ARFGEF3: variants seen among roughly 807,000 people sequenced by gnomAD.
ARFGEF3 encodes brefeldin A-inhibited guanine nucleotide-exchange protein 3.
A neutral mutation model predicts 221.7 loss-of-function variants in ARFGEF3; 96 were observed. That is an observed-to-expected ratio of 0.43 (90% CI 0.37 to 0.51). The LOEUF is 0.51. Among genes scored for constraint, ARFGEF3 ranks in the 20% least tolerant of loss-of-function variants. ARFGEF3 has a pLI of 0.00. For synonymous variants in ARFGEF3, 1,145 were observed against 1,126.8 expected (o/e 1.02, Z -0.32); for missense variants, 2,410 against 2,789.9 (o/e 0.86, Z 3.07).
At position 138,229,765 on chromosome 6, in the gene ARFGEF3, A is replaced by G. The variant is rs1778155029; in HGVS notation, c.352-19A>G. 2 of 1,602,704 alleles carry G rather than the reference A, an allele frequency of 1.2e-6. No homozygotes were observed. Among genetic ancestry groups the G allele is most frequent in the Middle Eastern group, 1.7e-4 (1 of 6,030 alleles). ...CTGTTAACCCCTTGTCTCTTCTTTC[A>G]TCTCTCACCTTGTTAAAGGTTTTAC... On this transcript the variant is annotated intron_variant, in intron 4 of 33. Coordinates refer to ENST00000251691, the MANE Select transcript of ARFGEF3 (RefSeq NM_020340.5).
chr6:138,256,974 G>A (rs563104802), intron 10 of ARFGEF3, among the ~76,000 whole-genome samples: 1 of 151,808 alleles, frequency 6.6e-6, no homozygotes, highest in Non-Finnish European at 1.5e-5. Context: ...TTGTAGAGAC[G>A]TGTTGCCCAG....
intron 2 of ARFGEF3, among the ~76,000 whole-genome samples, chr6:138,183,424 A>G (rs1218387297): frequency 6.6e-6 from 1 of 152,222 alleles, no homozygotes; most frequent in African/African-American, 2.4e-5. Flanking sequence ...AGTACAGAGG[A>G]TGTTTTTATG....
chr6:138,287,238 ACCTGCAC>A, intron 17 of ARFGEF3, 54 bp downstream of exon 17: 14 of 1,347,260 alleles, frequency 1.0e-5, no homozygotes, highest in Non-Finnish European at 1.4e-5. Context: ...GTATGCACAC[ACCTGCAC>A]AGGCCTACAC....
Position 138,162,465 on chromosome 6 carries a change from G to C in ARFGEF3, c.85+294G>C, listed in dbSNP as rs1327483437. ...GCGCTGGGGACGATGCTTCCCCATCGCCGAGTTAGGCAGGACCCGGAGCCG... is the reference window on the plus strand; with the variant it reads ...GCGCTGGGGACGATGCTTCCCCATCCCCGAGTTAGGCAGGACCCGGAGCCG... On this transcript the variant is annotated intron_variant, in intron 1 of 33. Transcript: ENST00000251691. This position sits in a 1 kb window ranked among gnomAD's most constrained non-coding sequence, Gnocchi z 4.7. 6.6e-6 allele frequency among the ~76,000 whole-genome samples: 1 copy of C among 152,122 alleles called. No homozygotes were observed. Among genetic ancestry groups the C allele is most frequent in the Non-Finnish European group, 1.5e-5 (1 of 68,022 alleles).
At chr6:138,314,739 A>C (rs1318183381) in intron 26 of ARFGEF3, among the ~76,000 whole-genome samples, 1 of 152,256 alleles carries the variant, frequency 6.6e-6, no homozygotes, top group African/African-American at 2.4e-5. Flanking sequence ...ACAGCAGAGC[A>C]GACATTAAAT....
intron 7 of ARFGEF3, 91 bp from the exon 8 acceptor site, chr6:138,245,421 AC>A: frequency 1.2e-6 from 1 of 856,578 alleles, no homozygotes; most frequent in Non-Finnish European, 1.9e-6. Context: ...AGTCTCAAAA[AC>A]CATCTAAAGT....
At chr6:138,278,350 T>TA (rs112246934) in intron 12 of ARFGEF3, 101 bp from the exon 13 acceptor site, 74,845 of 1,026,332 alleles carry the variant, frequency 0.073, 5,331 homozygotes, top group African/African-American at 0.34. Context: ...AAATATCCTA[T>TA]TGATGCAGTA....
At chr6:138,299,241 T>G (rs935589117) in intron 22 of ARFGEF3, among the ~76,000 whole-genome samples, 1 of 139,934 alleles carries the variant, frequency 7.1e-6, no homozygotes, top group Non-Finnish European at 1.5e-5. Flanking sequence ...AGTTAAGCAA[T>G]TTGACTAGAC....
chr6:138,226,910 T>C (rs1778094603), intron 4 of ARFGEF3, among the ~76,000 whole-genome samples: 1 of 152,198 alleles, frequency 6.6e-6, no homozygotes, highest in African/African-American at 2.4e-5. Flanking sequence ...CAGGAGGGCA[T>C]GGACACCATC....
intron 7 of ARFGEF3, among the ~76,000 whole-genome samples, chr6:138,244,224 G>C (rs1027941503): frequency 6.6e-6 from 1 of 152,030 alleles, no homozygotes; most frequent in South Asian, 2.1e-4. Flanking sequence ...TTAATTCTGA[G>C]GACCAGGCAT....
At chr6:138,206,948 A>G in intron 2 of ARFGEF3, 94 bp from the exon 3 acceptor site, 1 of 833,564 alleles carries the variant, frequency 1.2e-6, no homozygotes, top group Non-Finnish European at 2.0e-6. Flanking sequence ...GTATGTGTGT[A>G]GTGGCATTTG....
chr6:138,321,956 C>G (rs1360606613), intron 29 of ARFGEF3, among the ~76,000 whole-genome samples: 1 of 152,184 alleles, frequency 6.6e-6, no homozygotes, highest in Non-Finnish European at 1.5e-5. Flanking sequence ...AGGAGCAAGT[C>G]ACATCTTAAT....
At chr6:138,222,086 A>G (rs1382837768) in intron 4 of ARFGEF3, among the ~76,000 whole-genome samples, 1 of 152,198 alleles carries the variant, frequency 6.6e-6, no homozygotes, top group Non-Finnish European at 1.5e-5. Context: ...TCAGTGGCTC[A>G]TCCTAGTTCT....
At chr6:138,312,135 G>A (rs556620335) in intron 25 of ARFGEF3, among the ~76,000 whole-genome samples, 2 of 152,034 alleles carry the variant, frequency 1.3e-5, no homozygotes, top group Non-Finnish European at 2.9e-5. Context: ...CGGCCTGGGT[G>A]ACAGAGCAAG....
chr6:138,299,197 G>GAAA (rs1779581382), intron 22 of ARFGEF3, among the ~76,000 whole-genome samples: 1 of 39,218 alleles, frequency 2.5e-5, no homozygotes, highest in Non-Finnish European at 4.4e-5. Flanking sequence ...GCGAGACTCT[G>GAAA]TAAAAAAAAA....
chr6:138,249,147 C>G (rs1323964320), intron 8 of ARFGEF3, among the ~76,000 whole-genome samples: 1 of 152,200 alleles, frequency 6.6e-6, no homozygotes, highest in African/African-American at 2.4e-5. Context: ...GTTAAGAACA[C>G]TGGGCTGTGT....
At chr6:138,242,347 C>A (rs971561442) in intron 6 of ARFGEF3, among the ~76,000 whole-genome samples, 1 of 152,194 alleles carries the variant, frequency 6.6e-6, no homozygotes, top group African/African-American at 2.4e-5. Flanking sequence ...ATTTTCCCTT[C>A]CCTCACAGTT....
At chr6:138,199,088 T>G (rs1263645047) in intron 2 of ARFGEF3, among the ~76,000 whole-genome samples, 1 of 152,206 alleles carries the variant, frequency 6.6e-6, no homozygotes, top group Admixed American at 6.5e-5. Context: ...TAATATTTTT[T>G]TAAAAGAAAA....
chr6:138,273,026 G>A (rs1451480592), intron 12 of ARFGEF3, among the ~76,000 whole-genome samples: 1 of 152,110 alleles, frequency 6.6e-6, no homozygotes, highest in African/African-American at 2.4e-5. Flanking sequence ...TATATGCACA[G>A]TCATTAAAAA....
Sources: allele counts gnomAD v4.1 joint callset (sites outside exome capture counted in the v4.1 genomes callset), GRCh38; gene constraint gnomAD v4.1.1; non-coding constraint Gnocchi (gnomAD v3.1); transcripts MANE v1.5; gene names NCBI Gene and HGNC (gene_info 2026-07-23, HGNC 2026-07-21).